KSR2: variants seen among roughly 807,000 people sequenced by gnomAD.
KSR2 encodes the protein kinase suppressor of ras 2.
Under a neutral mutation model 107.8 loss-of-function variants are expected in KSR2, and 25 were observed. The observed-to-expected ratio is 0.23, with a 90% confidence interval of 0.17 to 0.32. KSR2 has a LOEUF of 0.32. Ranked by LOEUF, KSR2 falls within the 10% of genes least tolerant of loss-of-function variation. The pLI, the probability that KSR2 is intolerant of heterozygous loss-of-function variation, is 1.00. For synonymous variants in KSR2, 480 were observed against 507.0 expected (o/e 0.95, Z 0.71); for missense variants, 887 against 1,268.9 (o/e 0.70, Z 4.57).
In KSR2 at chr12:117,590,031, G is replaced by C. The variant is rs1398470144; in HGVS notation, c.1172-7672C>G. The stretch of plus-strand genomic sequence containing the variant: ...AGGCAGAGGGGACTGACAGTGATAA[G>C]AGATGCTAGGGGTGAGCAAGGATTC... On this transcript the variant is annotated intron_variant, in intron 5 of 19. Transcript: ENST00000339824. Among the ~76,000 whole-genome samples the C allele has an allele frequency of 3.3e-5, 5 of 152,236 alleles. No homozygotes were observed. The East Asian group carries it at 9.6e-4, about 29-fold the overall frequency.
At chr12:117,672,133 A>G (rs1426895625) in intron 4 of KSR2, among the ~76,000 whole-genome samples, 1 of 152,172 alleles carries the variant, frequency 6.6e-6, no homozygotes, top group Non-Finnish European at 1.5e-5. Context: ...TGGTCAGAGA[A>G]GAAAGGAAAG....
chr12:117,860,283 C>T lies in KSR2; in HGVS notation c.321+8G>A. 6.2e-7 allele frequency: 1 copy of T among 1,606,506 alleles called. No individual in the cohort carries two copies. Among genetic ancestry groups the T allele is most frequent in the Non-Finnish European group, 8.5e-7 (1 of 1,174,042 alleles). On this transcript the variant is annotated splice_region_variant and intron_variant, in intron 2 of 19. Transcript: ENST00000339824. ...AGGGGCAGGGGACACAGGGGCCCCC[C>T]AGGTCACCTCCAGGACCTCCTTGCG...
intron 1 of KSR2, among the ~76,000 whole-genome samples, chr12:117,956,188 T>C (rs893636542): frequency 1.4e-5 from 2 of 138,932 alleles, no homozygotes; most frequent in Non-Finnish European, 3.0e-5. Context: ...AGGCGGAGCT[T>C]GCAGTGAGCC....
chr12:117,816,040 T>TGTGTGTG (rs1891358935), intron 3 of KSR2, among the ~76,000 whole-genome samples: 1 of 91,956 alleles, frequency 1.1e-5, no homozygotes, highest in Non-Finnish European at 2.2e-5. Flanking sequence ...TGTGTGTGTG[T>TGTGTGTG]TGGGGAGGTG....
chr12:117,676,282 A>G (rs1885115451), intron 4 of KSR2, among the ~76,000 whole-genome samples: 1 of 152,216 alleles, frequency 6.6e-6, no homozygotes, highest in African/African-American at 2.4e-5. Context: ...CCTGGCAAAA[A>G]AAAGGGGCAT....
intron 1 of KSR2, among the ~76,000 whole-genome samples, chr12:117,873,150 G>T (rs897331857): frequency 6.6e-6 from 1 of 152,046 alleles, no homozygotes; most frequent in Non-Finnish European, 1.5e-5. Context: ...TTTGAGACCA[G>T]CCTGGCTCAC....
In KSR2 at chr12:117,555,954, C is replaced by CTGTTGTTGT. The variant is rs55744572; in HGVS notation, c.1394-670_1394-662dup. On this transcript the variant is annotated intron_variant, in intron 8 of 19. Coordinates refer to ENST00000339824, the MANE Select transcript of KSR2 (RefSeq NM_173598.6). ...GATGCCTGGTATTGTTACTTGTTAG[C>CTGTTGTTGT]TGTTGTTGTTGTTGTTGTTGTTGTT... 4.7e-3 allele frequency among the ~76,000 whole-genome samples: 713 copies of CTGTTGTTGT among 151,326 alleles called. 6 individuals are homozygous for CTGTTGTTGT. The highest frequency in any genetic ancestry group is 0.014 in the Middle Eastern group (4 of 294).
intron 9 of KSR2, among the ~76,000 whole-genome samples, chr12:117,540,426 G>GTGGA (rs1876398246): frequency 6.6e-6 from 1 of 152,190 alleles, no homozygotes. Flanking sequence ...GCCTGCTGGG[G>GTGGA]TGGACTTCCA....
rs1870798868 is a variant in KSR2, at chr12:117,459,705, CA to C, written c.*7493del. The stretch of plus-strand genomic sequence containing the variant: ...GTATGTTGGAGAAGCCACCAACACA[CA>C]GCAGATTTGACCCCTCCATTGGAAG... On this transcript the variant is annotated 3_prime_UTR_variant, in exon 20 of 20. Transcript: ENST00000339824. The C allele has an allele frequency of 6.6e-6, 1 of 152,248 alleles. No individual in the cohort carries two copies. Among genetic ancestry groups the C allele is most frequent in the Non-Finnish European group, 1.5e-5 (1 of 68,038 alleles). The allele number at this position is 152,248 out of a possible 1,614,324, so 9.4% of individuals were successfully genotyped here.
chr12:117,890,149 A>G (rs11068715), intron 1 of KSR2, among the ~76,000 whole-genome samples: 9,798 of 152,288 alleles, frequency 0.064, 466 homozygotes, highest in Non-Finnish European at 0.095. Context: ...TTTGAACAGC[A>G]CTGTATTGGA....
intron 1 of KSR2, among the ~76,000 whole-genome samples, chr12:117,863,734 G>A (rs1818161412): frequency 6.6e-6 from 1 of 152,110 alleles, no homozygotes; most frequent in Admixed American, 6.6e-5. Flanking sequence ...CGGGGCTAAA[G>A]TCAAGATGTC....
At chr12:117,545,313 T>C (rs1350499433) in intron 9 of KSR2, among the ~76,000 whole-genome samples, 1 of 152,212 alleles carries the variant, frequency 6.6e-6, no homozygotes, top group African/African-American at 2.4e-5. Flanking sequence ...TTGGTATATA[T>C]CATGAGTTGG....
intron 1 of KSR2, among the ~76,000 whole-genome samples, chr12:117,875,583 G>A (rs1893815737): frequency 6.6e-6 from 1 of 152,054 alleles, no homozygotes; most frequent in Non-Finnish European, 1.5e-5. Flanking sequence ...AGCCCTCTGT[G>A]TCCCTCAGGA....
chr12:117,889,781 A>C (rs1197197249), intron 1 of KSR2: 1 of 152,128 alleles, frequency 6.6e-6, no homozygotes, highest in Non-Finnish European at 1.5e-5. Flanking sequence ...AATGTCTATA[A>C]ATATTTTGGT....
At chr12:117,726,050 C>T (rs972271882) in intron 4 of KSR2, among the ~76,000 whole-genome samples, 1 of 152,084 alleles carries the variant, frequency 6.6e-6, no homozygotes, top group African/African-American at 2.4e-5. Context: ...CACCTGTAAT[C>T]CCAGCTACTA....
At chr12:117,816,831 G>C (rs1676897986) in intron 3 of KSR2, among the ~76,000 whole-genome samples, 3 of 152,148 alleles carry the variant, frequency 2.0e-5, no homozygotes, top group Admixed American at 2.0e-4. Context: ...TGCAGATAAG[G>C]CAACAAGGCT....
At chr12:117,746,913 AT>A (rs1333553234) in intron 4 of KSR2, among the ~76,000 whole-genome samples, 2 of 152,188 alleles carry the variant, frequency 1.3e-5, no homozygotes, top group African/African-American at 4.8e-5. Flanking sequence ...AATGGTGATT[AT>A]TAAAAAGTCA....
At chr12:117,664,955 C>T (rs896346270) in intron 5 of KSR2, among the ~76,000 whole-genome samples, 8 of 152,192 alleles carry the variant, frequency 5.3e-5, no homozygotes, top group African/African-American at 1.2e-4. Context: ...GAGAGCTTCT[C>T]GTTTCCCAAA....
intron 10 of KSR2, 72 bp downstream of exon 10, chr12:117,539,647 T>C: frequency 7.0e-7 from 1 of 1,419,048 alleles, no homozygotes; most frequent in Non-Finnish European, 9.4e-7. Flanking sequence ...GGCTCTGGCA[T>C]GAACCCACCC....
Sources: allele counts gnomAD v4.1 joint callset (sites outside exome capture counted in the v4.1 genomes callset), GRCh38; gene constraint gnomAD v4.1.1; transcripts MANE v1.5; gene names NCBI Gene and HGNC (gene_info 2026-07-23, HGNC 2026-07-21).